CRTAC1: variants seen among roughly 807,000 people sequenced by gnomAD.
CRTAC1 encodes the protein acidic secreted protein in cartilage.
CRTAC1 carries 37 observed loss-of-function variants against 67.8 expected under a neutral mutation model. That is an observed-to-expected ratio of 0.55 (90% CI 0.42 to 0.72). The LOEUF (loss-of-function observed/expected upper bound fraction) is 0.72, where lower values mean the gene tolerates loss of function less well. Among genes scored for constraint, CRTAC1 ranks in the 30% least tolerant of loss-of-function variants. The probability of loss-of-function intolerance (pLI) is 0.00; values close to 1 mark genes in which losing one functional copy is unlikely to be tolerated. For synonymous variants in CRTAC1, 348 were observed against 371.0 expected, an observed-to-expected ratio of 0.94 and a Z score of 0.71; for missense variants, 780 against 931.6, an observed-to-expected ratio of 0.84 and a Z score of 2.12.
intron 1 of CRTAC1, among the ~76,000 whole-genome samples, chr10:98,016,472 T>C (rs1843000377): frequency 6.6e-6 from 1 of 152,218 alleles, no homozygotes; most frequent in Non-Finnish European, 1.5e-5. Context: ...GAGGGTCATG[T>C]TGAAAATACA....
At position 97,931,921 on chromosome 10, in the gene CRTAC1, C is replaced by T. The variant is rs972558015; in HGVS notation, c.421+4249G>A. 5.3e-5 allele frequency among the ~76,000 whole-genome samples: 8 copies of T among 152,212 alleles called. No individual in the cohort carries two copies. The South Asian group carries it at 6.2e-4, about 12-fold the overall frequency. ...AGGTGTCAGCACCTGTCTCTTGTCC[C>T]CCTGCGTCCTGCACACTCTCCTACC... is the stretch of plus-strand genomic sequence containing the variant. On this transcript the variant is annotated intron_variant, in intron 3 of 14. Coordinates refer to ENST00000370597, the MANE Select transcript of CRTAC1 (RefSeq NM_018058.7).
intron 7 of CRTAC1, among the ~76,000 whole-genome samples, chr10:97,903,803 A>G (rs1304194416): frequency 5.3e-5 from 8 of 152,070 alleles, no homozygotes; most frequent in Non-Finnish European, 1.5e-5. Context: ...TGTCACTAAC[A>G]GCCCTTTTGA....
In CRTAC1 at chr10:97,884,460, C is replaced by T. The variant is rs373431066; in HGVS notation, c.1487-109G>A. 47 of 1,060,994 alleles carry T rather than the reference C, an allele frequency of 4.4e-5. 1 individual carries two copies. In the African/African-American group the frequency reaches 7.2e-4, roughly 16 times the overall value. 65.7% of individuals were successfully genotyped at this position (1,060,994 alleles called of 1,614,324 possible). On this transcript the variant is annotated intron_variant, in intron 11 of 14. Transcript: ENST00000370597. ...ATTGAATAAAAGCATGAATTGAGCACTGTTCTAAGTGCTAGGGAAATGGTG... is the reference window on the plus strand; with the variant it reads ...ATTGAATAAAAGCATGAATTGAGCATTGTTCTAAGTGCTAGGGAAATGGTG...
At chr10:97,878,334 T>C (rs1338098533) in intron 14 of CRTAC1, 1 of 186,452 alleles carries the variant, frequency 5.4e-6, no homozygotes, top group Non-Finnish European at 1.1e-5. Flanking sequence ...GCTGTTTTAA[T>C]TTAAAAACTT....
At position 97,936,381 on chromosome 10, in the gene CRTAC1, G is replaced by C. The variant is rs753413540; in HGVS notation, c.225-15C>G. 6 of 1,593,388 alleles carry C rather than the reference G, an allele frequency of 3.8e-6. No individual in the cohort carries two copies. Among genetic ancestry groups the C allele is most frequent in the Non-Finnish European group, 5.2e-6 (6 of 1,164,478 alleles). On this transcript the variant is annotated splice_polypyrimidine_tract_variant and intron_variant, in intron 2 of 14. Coordinates refer to ENST00000370597, the MANE Select transcript of CRTAC1 (RefSeq NM_018058.7). ...GTCCATTGTACCTGGAGGAGGAATG[G>C]GGAGGGGATGCTGGGGAGGAGCCGC... is the stretch of plus-strand genomic sequence containing the variant.
chr10:97,923,500 AC>A, intron 3 of CRTAC1, 100 bp from the exon 4 acceptor site: 14 of 1,477,588 alleles, frequency 9.5e-6, no homozygotes, highest in Non-Finnish European at 9.3e-6. Context: ...GGTGGTTGGG[AC>A]CAGAGGAGGT....
chr10:97,870,307 C>T (rs1024922860), intron 14 of CRTAC1: 2 of 152,070 alleles, frequency 1.3e-5, no homozygotes, highest in Non-Finnish European at 2.9e-5. Context: ...TGCCTGAGAC[C>T]TGAATAAGAA....
chr10:97,889,504 G>A (rs571803286), intron 11 of CRTAC1, among the ~76,000 whole-genome samples: 1 of 152,072 alleles, frequency 6.6e-6, no homozygotes, highest in East Asian at 1.9e-4. Context: ...GGACCCCACA[G>A]CAAGATGTCG....
At chr10:97,950,244 CACAGAGAGAG>C (rs1187362970) in intron 2 of CRTAC1, among the ~76,000 whole-genome samples, 21 of 112,184 alleles carry the variant, frequency 1.9e-4, no homozygotes, top group African/African-American at 8.3e-4. Context: ...CACACACACA[CACAGAGAGAG>C]AGAGAGAGAG....
chr10:97,982,976 A>C (rs1313907305), intron 2 of CRTAC1, among the ~76,000 whole-genome samples: 1 of 152,248 alleles, frequency 6.6e-6, no homozygotes. Context: ...GTCAGTTGCT[A>C]GCAATTCTGC....
intron 1 of CRTAC1, among the ~76,000 whole-genome samples, chr10:98,019,214 A>G (rs764105560): frequency 2.6e-5 from 4 of 152,318 alleles, no homozygotes; most frequent in Non-Finnish European, 5.9e-5. Flanking sequence ...TGCAAAGGTC[A>G]GGAGGACCCA....
intron 11 of CRTAC1, among the ~76,000 whole-genome samples, chr10:97,886,841 C>T (rs1057216662): frequency 7.9e-5 from 12 of 151,918 alleles, no homozygotes; most frequent in African/African-American, 1.2e-4. Flanking sequence ...GACAGGGTTT[C>T]GCCATGCTGG....
chr10:97,996,905 G>GA (rs911722103), intron 2 of CRTAC1, among the ~76,000 whole-genome samples: 74 of 151,886 alleles, frequency 4.9e-4, no homozygotes, highest in African/African-American at 1.7e-3. Context: ...TATGCAGCCA[G>GA]AAAAAAATGA....
chr10:97,906,293 G>A lies in CRTAC1; in HGVS notation c.851-1479C>T, dbSNP rs551369786. Among the ~76,000 whole-genome samples, 15 of 152,318 alleles carry A rather than the reference G, an allele frequency of 9.8e-5. No homozygotes were observed. The South Asian group carries it at 3.1e-3, about 32-fold the overall frequency. On this transcript the variant is annotated intron_variant, in intron 6 of 14. Coordinates refer to ENST00000370597, the MANE Select transcript of CRTAC1 (RefSeq NM_018058.7). ...CTCTGCCAAACTCCTCGGCCCAAATGTCGGTGGCCTTCTGCGTTGGCCCAT... is the reference window on the plus strand; with the variant it reads ...CTCTGCCAAACTCCTCGGCCCAAATATCGGTGGCCTTCTGCGTTGGCCCAT...
At chr10:98,003,534 A>G (rs953977710) in intron 2 of CRTAC1, among the ~76,000 whole-genome samples, 9 of 152,218 alleles carry the variant, frequency 5.9e-5, no homozygotes, top group African/African-American at 2.2e-4. Flanking sequence ...CTTTTCACAC[A>G]GAATCACTCT....
At chr10:98,016,894 A>C (rs1843008896) in intron 1 of CRTAC1, among the ~76,000 whole-genome samples, 1 of 144,552 alleles carries the variant, frequency 6.9e-6, no homozygotes, top group Admixed American at 6.9e-5. Flanking sequence ...GGGGATATAA[A>C]GTTTTGGGGG....
chr10:97,871,957 A>C (rs1461169455), intron 14 of CRTAC1, among the ~76,000 whole-genome samples: 1 of 152,196 alleles, frequency 6.6e-6, no homozygotes, highest in African/African-American at 2.4e-5. Context: ...TCACCTGAGA[A>C]CAGTGCTGAG....
Position 97,950,244 on chromosome 10 carries a change from C to CAGAGAGAG in CRTAC1, c.225-13879_225-13878insCTCTCTCT, listed in dbSNP as rs1291012749. 1.4e-3 allele frequency among the ~76,000 whole-genome samples: 156 copies of CAGAGAGAG among 112,134 alleles called. 1 individual carries two copies. The highest frequency in any genetic ancestry group is 5.6e-3 in the African/African-American group (141 of 25,404). 73.6% of individuals were successfully genotyped at this position (112,134 alleles called of 152,430 possible). A position where few individuals can be genotyped will look rare whatever the true frequency, so the allele number is the denominator to read the frequency against. ...TTTTGCATGTACGTGCACACACACA[C>CAGAGAGAG]ACAGAGAGAGAGAGAGAGAGAGAGA... On this transcript the variant is annotated intron_variant, in intron 2 of 14. Transcript: ENST00000370597.
chr10:97,928,344 G>A (rs1205240762), intron 3 of CRTAC1, among the ~76,000 whole-genome samples: 3 of 152,134 alleles, frequency 2.0e-5, no homozygotes, highest in Non-Finnish European at 4.4e-5. Context: ...GGGGAAGTAC[G>A]CCTTGGTCCC....
Sources: allele counts gnomAD v4.1 joint callset (sites outside exome capture counted in the v4.1 genomes callset), GRCh38; gene constraint gnomAD v4.1.1; transcripts MANE v1.5; gene names NCBI Gene and HGNC (gene_info 2026-07-23, HGNC 2026-07-21).